NPAS3: variants seen among roughly 807,000 people sequenced by gnomAD.
NPAS3 encodes the protein neuronal PAS domain protein 3, also known as neuronal PAS domain-containing protein 3.
In NPAS3, 14 loss-of-function variants were observed where a neutral mutation model predicts 73.1. The observed-to-expected ratio is 0.19, with a 90% CI of 0.13 to 0.30. The LOEUF is 0.30. NPAS3 is among the 10% of genes least tolerant of loss of function. The pLI is 1.00. For synonymous variants in NPAS3, 620 were observed against 541.5 expected (o/e 1.14, Z -2.01); for missense variants, 1,096 against 1,250.0 (o/e 0.88, Z 1.86).
chr14:33,702,136 G>A (rs748219275), intron 6 of NPAS3, among the ~76,000 whole-genome samples: 5 of 152,226 alleles, frequency 3.3e-5, no homozygotes, highest in Admixed American at 2.6e-4. Context: ...GCTGTCCTCT[G>A]TTCCATGTTA....
intron 3 of NPAS3, among the ~76,000 whole-genome samples, chr14:33,334,466 T>C (rs1416626422): frequency 6.6e-6 from 1 of 152,176 alleles, no homozygotes; most frequent in African/African-American, 2.4e-5. Flanking sequence ...TTCATGTAAG[T>C]GTAATCTTAT....
At chr14:33,784,823 T>A in intron 9 of NPAS3, among the ~76,000 whole-genome samples, 1 of 139,048 alleles carries the variant, frequency 7.2e-6, no homozygotes, top group Non-Finnish European at 1.5e-5. Flanking sequence ...CGATCTCGGC[T>A]CACCACAACC....
At chr14:33,282,435 A>T (rs2041666427) in intron 3 of NPAS3, among the ~76,000 whole-genome samples, 1 of 152,212 alleles carries the variant, frequency 6.6e-6, no homozygotes, top group Non-Finnish European at 1.5e-5. Flanking sequence ...GGATGAAATT[A>T]GTTGGAATTG....
chr14:33,722,726 A>G (rs995584524), intron 6 of NPAS3, among the ~76,000 whole-genome samples: 7 of 152,336 alleles, frequency 4.6e-5, no homozygotes, highest in African/African-American at 1.7e-4. Context: ...ATAGATAATT[A>G]TTGGGTTATC....
intron 4 of NPAS3, among the ~76,000 whole-genome samples, chr14:33,519,944 G>A (rs1461964437): frequency 3.3e-5 from 5 of 152,074 alleles, no homozygotes; most frequent in Admixed American, 3.3e-4. Flanking sequence ...CTACCTTGGT[G>A]TGTCCAGACT....
intron 3 of NPAS3, among the ~76,000 whole-genome samples, chr14:33,261,618 T>C (rs1379892198): frequency 6.6e-6 from 1 of 152,208 alleles, no homozygotes; most frequent in East Asian, 1.9e-4. Context: ...ATTTTGACTC[T>C]TTTAGGTATT....
intron 4 of NPAS3, among the ~76,000 whole-genome samples, chr14:33,462,465 C>T (rs2050316108): frequency 6.6e-6 from 1 of 152,130 alleles, no homozygotes; most frequent in Non-Finnish European, 1.5e-5. Flanking sequence ...TGTTTAATGA[C>T]AAGACCCTCT....
chr14:33,373,113 C>G (rs948524828), intron 4 of NPAS3, among the ~76,000 whole-genome samples: 1 of 152,162 alleles, frequency 6.6e-6, no homozygotes, highest in Non-Finnish European at 1.5e-5. Flanking sequence ...AAATTAACTA[C>G]TGGAATGACT....
chr14:33,608,839 C>A (rs2297114), intron 5 of NPAS3, among the ~76,000 whole-genome samples: 15,040 of 152,164 alleles, frequency 0.099, 907 homozygotes, highest in Admixed American at 0.22. Context: ...TACAAATGTT[C>A]CTTCCCCTTG....
At chr14:33,465,073 C>T (rs2050446384) in intron 4 of NPAS3, among the ~76,000 whole-genome samples, 1 of 151,628 alleles carries the variant, frequency 6.6e-6, no homozygotes, top group African/African-American at 2.4e-5. Context: ...ATTAAATTCC[C>T]AAAGGTTTTT....
At chr14:33,737,128 C>T (rs1385252086) in intron 7 of NPAS3, among the ~76,000 whole-genome samples, 1 of 152,288 alleles carries the variant, frequency 6.6e-6, no homozygotes, top group East Asian at 1.9e-4. Context: ...CAGCTCCATA[C>T]CACATGCACT....
At chr14:33,733,192 A>T (rs2140634668) in intron 6 of NPAS3, among the ~76,000 whole-genome samples, 1 of 152,226 alleles carries the variant, frequency 6.6e-6, no homozygotes, top group South Asian at 2.1e-4. Context: ...GTCTCTGAGG[A>T]CCAGTGCCAA....
At chr14:33,168,749 C>T (rs2045270217) in intron 2 of NPAS3, among the ~76,000 whole-genome samples, 1 of 152,182 alleles carries the variant, frequency 6.6e-6, no homozygotes, top group Non-Finnish European at 1.5e-5. Flanking sequence ...CTCTTCCCCT[C>T]TTCCCCTCTT....
At chr14:33,249,807 T>C (rs1403993474) in intron 3 of NPAS3, among the ~76,000 whole-genome samples, 1 of 152,056 alleles carries the variant, frequency 6.6e-6, no homozygotes, top group Non-Finnish European at 1.5e-5. Flanking sequence ...GTACCACTAT[T>C]TGAAAACCTT....
intron 1 of NPAS3, among the ~76,000 whole-genome samples, chr14:32,939,639 AAG>A (rs1412014829): frequency 2.2e-3 from 322 of 148,976 alleles, no homozygotes; most frequent in Admixed American, 4.3e-3. Flanking sequence ...AAAAAAAAAA[AAG>A]AAGAAAGAAA....
At chr14:33,338,817 G>T (rs186022819) in intron 3 of NPAS3, among the ~76,000 whole-genome samples, 210 of 152,214 alleles carry the variant, frequency 1.4e-3, no homozygotes, top group Middle Eastern at 6.8e-3. Flanking sequence ...AATTGCAGAA[G>T]ACATCCCATA....
chr14:33,537,902 T>A (rs968465287), intron 4 of NPAS3, among the ~76,000 whole-genome samples: 1 of 152,174 alleles, frequency 6.6e-6, no homozygotes, highest in African/African-American at 2.4e-5. Flanking sequence ...GCCTTGACGA[T>A]CTGAGCTAGC....
chr14:33,355,119 C>T (rs1257677545), intron 3 of NPAS3, among the ~76,000 whole-genome samples: 2 of 152,176 alleles, frequency 1.3e-5, no homozygotes, highest in African/African-American at 4.8e-5. Context: ...ATGCCTTGCT[C>T]AGCAGTTTGT....
At chr14:33,443,041 A>G (rs1229697216) in intron 4 of NPAS3, among the ~76,000 whole-genome samples, 1 of 152,230 alleles carries the variant, frequency 6.6e-6, no homozygotes, top group Non-Finnish European at 1.5e-5. Context: ...ATGATTCAGG[A>G]TAATTACAGA....
Sources: allele counts gnomAD v4.1 joint callset (sites outside exome capture counted in the v4.1 genomes callset), GRCh38; gene constraint gnomAD v4.1.1; transcripts MANE v1.5; gene names NCBI Gene and HGNC (gene_info 2026-07-23, HGNC 2026-07-21).